Variants in DNAH5 observed in about 807,000 individuals in gnomAD.
DNAH5 encodes the protein dynein axonemal heavy chain 5, also known as axonemal beta dynein heavy chain 5.
Under a neutral mutation model 518.2 loss-of-function variants are expected in DNAH5, and 372 were observed. The observed-to-expected ratio is 0.72, with a 90% CI of 0.66 to 0.78. The LOEUF is 0.78. DNAH5 is among the 30% of genes least tolerant of loss of function. The probability of loss-of-function intolerance (pLI) is 0.00; values close to 1 mark genes in which losing one functional copy is unlikely to be tolerated. For synonymous variants in DNAH5, 2,039 were observed against 2,025.9 expected, an observed-to-expected ratio of 1.01 and a Z score of -0.17; for missense variants, 5,523 against 5,687.0, an observed-to-expected ratio of 0.97 and a Z score of 0.93.
chr5:13,704,141 T>A (rs1742478400), intron 76 of DNAH5, among the ~76,000 whole-genome samples: 1 of 152,160 alleles, frequency 6.6e-6, no homozygotes. Context: ...TCCTGAAGTA[T>A]GATCAGTGAC....
chr5:13,766,696 A>T (rs1056642524), intron 58 of DNAH5, among the ~76,000 whole-genome samples: 1 of 152,218 alleles, frequency 6.6e-6, no homozygotes, highest in Non-Finnish European at 1.5e-5. Context: ...ACTGACCTTT[A>T]AATGACGGGA....
chr5:13,958,487 G>GGAAAGAAA (rs2152043552), intron 1 of DNAH5, among the ~76,000 whole-genome samples: 1 of 151,962 alleles, frequency 6.6e-6, no homozygotes, highest in African/African-American at 2.4e-5. Context: ...TCTTTCCATT[G>GGAAAGAAA]ATTTTATTTT....
chr5:13,921,487 A>T (rs867161834), intron 5 of DNAH5, among the ~76,000 whole-genome samples: 3,388 of 135,420 alleles, frequency 0.025, 100 homozygotes, highest in Non-Finnish European at 0.035. Flanking sequence ...ACACACACAC[A>T]CACACACACA....
At chr5:13,911,831 T>C (rs983229853) in intron 11 of DNAH5, among the ~76,000 whole-genome samples, 1 of 152,160 alleles carries the variant, frequency 6.6e-6, no homozygotes, top group Admixed American at 6.5e-5. Context: ...AAGCCCAGAG[T>C]AGAATTTACT....
rs538284143 is a variant in DNAH5, at chr5:13,770,098, G to A, written c.9606-483C>T. On this transcript the variant is annotated intron_variant, in intron 56 of 78. Transcript: ENST00000265104. ...GCTGCCTGCCTGAACCTGAAATAAC[G>A]TGACCATAGAGATGGGAACCCTCCG... Among the ~76,000 whole-genome samples the A allele has an allele frequency of 5.3e-5, 8 of 152,264 alleles. No individual in the cohort carries two copies. In the South Asian group the frequency reaches 1.0e-3, roughly 20 times the overall value.
At chr5:13,980,619 C>G (rs1355522591) in intron 1 of DNAH5, among the ~76,000 whole-genome samples, 2 of 152,180 alleles carry the variant, frequency 1.3e-5, no homozygotes, top group Non-Finnish European at 2.9e-5. Context: ...GCTCATCCAC[C>G]ACTACCACTC....
intron 35 of DNAH5, among the ~76,000 whole-genome samples, chr5:13,838,642 T>C (rs941892203): frequency 6.6e-6 from 1 of 152,194 alleles, no homozygotes; most frequent in African/African-American, 2.4e-5. Flanking sequence ...TTCTAAATTA[T>C]AGTGAATTGT....
intron 59 of DNAH5, among the ~76,000 whole-genome samples, chr5:13,764,109 C>G (rs1047648981): frequency 2.6e-5 from 4 of 152,130 alleles, no homozygotes; most frequent in Non-Finnish European, 4.4e-5. Flanking sequence ...TAGAGGTGGA[C>G]TGGGTATTCC....
intron 23 of DNAH5, among the ~76,000 whole-genome samples, 165 bp downstream of exon 23, chr5:13,871,399 T>C (rs1178774367): frequency 2.6e-5 from 4 of 152,186 alleles, no homozygotes; most frequent in Non-Finnish European, 5.9e-5. Flanking sequence ...GAATCAATAA[T>C]TATGCAGAAG....
At chr5:13,713,466 T>TATATATATATATATATATATATATAC (rs1158251022) in intron 75 of DNAH5, among the ~76,000 whole-genome samples, 1 of 98,322 alleles carries the variant, frequency 1.0e-5, no homozygotes, top group Non-Finnish European at 1.9e-5. Flanking sequence ...TATATATATA[T>TATATATATATATATATATATATATAC]ACACACACCG....
intron 22 of DNAH5, 69 bp downstream of exon 22, chr5:13,876,615 T>C (rs1469221129): frequency 1.3e-6 from 2 of 1,580,252 alleles, no homozygotes; most frequent in Non-Finnish European, 1.7e-6. Flanking sequence ...GACAACTTTG[T>C]GATGTTCACT....
intron 21 of DNAH5, among the ~76,000 whole-genome samples, chr5:13,878,937 A>C (rs1344881616): frequency 6.6e-6 from 1 of 152,250 alleles, no homozygotes; most frequent in Non-Finnish European, 1.5e-5. Context: ...AGCTACATCT[A>C]GAGAATCTAG....
chr5:13,781,178 A>G (rs1755074828), intron 52 of DNAH5, among the ~76,000 whole-genome samples: 1 of 151,988 alleles, frequency 6.6e-6, no homozygotes, highest in South Asian at 2.1e-4. Context: ...GTGTGCCTTT[A>G]GGAAGTAGGA....
At chr5:13,720,341 T>C (rs2591201) in intron 71 of DNAH5, among the ~76,000 whole-genome samples, 64,114 of 152,072 alleles carry the variant, frequency 0.42, 13,668 homozygotes, top group African/African-American at 0.46. Context: ...ACTTCAGTTC[T>C]TCTCTTTTAC....
At chr5:13,936,721 A>G (rs1424011778) in intron 1 of DNAH5, among the ~76,000 whole-genome samples, 1 of 152,224 alleles carries the variant, frequency 6.6e-6, no homozygotes, top group Admixed American at 6.5e-5. Context: ...ATTTAAGTGA[A>G]ACAAAACATT....
At chr5:13,873,296 A>G (rs1770403410) in intron 22 of DNAH5, among the ~76,000 whole-genome samples, 1 of 152,270 alleles carries the variant, frequency 6.6e-6, no homozygotes, top group Non-Finnish European at 1.5e-5. Context: ...TGTAATTACT[A>G]TAGTGTTATT....
At chr5:13,997,908 A>C (rs1784073555) in intron 1 of DNAH5, among the ~76,000 whole-genome samples, 2 of 149,322 alleles carry the variant, frequency 1.3e-5, no homozygotes, top group Non-Finnish European at 3.0e-5. Flanking sequence ...CCATGGCGTG[A>C]TCTCGGCTCA....
intron 65 of DNAH5, among the ~76,000 whole-genome samples, chr5:13,739,191 G>C (rs140579249): frequency 3.2e-4 from 48 of 152,204 alleles, no homozygotes; most frequent in Admixed American, 9.2e-4. Context: ...GATATGGTTT[G>C]GCTCTGTGCC....
chr5:13,692,152 A>C lies in DNAH5; in HGVS notation c.13724-17T>G, dbSNP rs201764984. ...CTCGTAAAGCTACAAAAAACATAAA[A>C]GAAAAGAACTTGGTGAAATTTCCAC... On this transcript the variant is annotated splice_polypyrimidine_tract_variant and intron_variant, in intron 78 of 78. Transcript: ENST00000265104. The C allele has an allele frequency of 4.3e-5, 69 of 1,613,880 alleles. 1 individual carries two copies. The highest frequency in any genetic ancestry group is 3.8e-4 in the Admixed American group (23 of 60,012).
Sources: allele counts gnomAD v4.1 joint callset (sites outside exome capture counted in the v4.1 genomes callset), GRCh38; gene constraint gnomAD v4.1.1; transcripts MANE v1.5; gene names NCBI Gene and HGNC (gene_info 2026-07-23, HGNC 2026-07-21).